FSTL5: variants seen among roughly 807,000 people sequenced by gnomAD.
FSTL5 encodes the protein follistatin like 5.
A neutral mutation model predicts 89.1 loss-of-function variants in FSTL5; 62 were observed. The observed-to-expected ratio is 0.70, with a 90% confidence interval of 0.57 to 0.86. The LOEUF (loss-of-function observed/expected upper bound fraction) is 0.86, where lower values mean the gene tolerates loss of function less well. Ranked by LOEUF, FSTL5 falls within the 40% of genes least tolerant of loss-of-function variation. FSTL5 has a pLI of 0.00. For synonymous variants in FSTL5, 383 were observed against 346.2 expected (o/e 1.11, Z -1.18); for missense variants, 1,057 against 1,001.6 (o/e 1.06, Z -0.75).
chr4:161,987,571 T>C (rs1736001144), intron 3 of FSTL5, among the ~76,000 whole-genome samples: 1 of 147,374 alleles, frequency 6.8e-6, no homozygotes, highest in African/African-American at 2.5e-5. Context: ...TATTGAAATA[T>C]ATATAAAGAA....
chr4:161,629,702 C>A (rs540851237), intron 7 of FSTL5, among the ~76,000 whole-genome samples: 1 of 152,146 alleles, frequency 6.6e-6, no homozygotes, highest in South Asian at 2.1e-4. Context: ...GATTTTTTTC[C>A]CCTAAGCCAT....
intron 6 of FSTL5, among the ~76,000 whole-genome samples, chr4:161,721,271 C>T (rs1470614492): frequency 3.2e-4 from 35 of 109,238 alleles, no homozygotes; most frequent in African/African-American, 1.1e-3. Context: ...GGCGACAGAG[C>T]GAGACTCCGT....
intron 4 of FSTL5, among the ~76,000 whole-genome samples, chr4:161,841,896 C>A (rs920448999): frequency 3.9e-5 from 6 of 152,074 alleles, no homozygotes; most frequent in African/African-American, 1.4e-4. Flanking sequence ...CCCAGCTGGG[C>A]TGCCGGTCTG....
At chr4:161,786,313 C>T (rs1325664479) in intron 4 of FSTL5, among the ~76,000 whole-genome samples, 1 of 151,950 alleles carries the variant, frequency 6.6e-6, no homozygotes, top group East Asian at 1.9e-4. Flanking sequence ...GGAGAAATAT[C>T]TTGTATGTAA....
At chr4:161,727,973 ACT>A (rs542907201) in intron 6 of FSTL5, among the ~76,000 whole-genome samples, 9 of 152,264 alleles carry the variant, frequency 5.9e-5, no homozygotes, top group Middle Eastern at 3.4e-3. Flanking sequence ...ACAGAGCTAG[ACT>A]CTGTCTCAAA....
chr4:161,998,241 T>C (rs1044276148), intron 3 of FSTL5, among the ~76,000 whole-genome samples: 10 of 151,974 alleles, frequency 6.6e-5, no homozygotes, highest in African/African-American at 1.7e-4. Context: ...TCTTTGTTTC[T>C]TTTTTTTATT....
intron 3 of FSTL5, among the ~76,000 whole-genome samples, chr4:161,960,252 C>T (rs146230910): frequency 6.3e-4 from 95 of 151,022 alleles, no homozygotes; most frequent in African/African-American, 2.2e-3. Context: ...CTGCAACCTC[C>T]ACCTCCCAGG....
In FSTL5 at chr4:161,459,295, C is replaced by T; in HGVS notation, c.1633G>A (p.Val545Ile). Residue 545 changes from valine to isoleucine, a missense_variant, in exon 14 of 16, where the codon GTT (valine) becomes ATT (isoleucine). Around this residue, in one of 3 missense-constraint regions of FSTL5, gnomAD observed 980 missense variants for 903.2 expected, o/e 1.08. Transcript: ENST00000306100. ...VQAVSTDPVP[V>I]KLHYDKSHDQ... is the part of the protein sequence containing the mutation. ...TGTGATTTGTCATAGTGTAATTTAACTGGGACAGGGTCTGTGCTCACTGCC... is the reference window on the plus strand; with the variant it reads ...TGTGATTTGTCATAGTGTAATTTAATTGGGACAGGGTCTGTGCTCACTGCC... 3.7e-6 allele frequency: 6 copies of T among 1,612,988 alleles called. No homozygotes were observed. Among genetic ancestry groups the T allele is most frequent in the Non-Finnish European group, 5.1e-6 (6 of 1,179,194 alleles).
chr4:161,423,514 C>T (rs1294045398), intron 15 of FSTL5, among the ~76,000 whole-genome samples: 1 of 151,928 alleles, frequency 6.6e-6, no homozygotes, highest in Non-Finnish European at 1.5e-5. Context: ...CTTATGCATT[C>T]CAGTTTTCTT....
chr4:161,938,526 C>T (rs769945878), intron 3 of FSTL5, among the ~76,000 whole-genome samples: 64 of 151,872 alleles, frequency 4.2e-4, no homozygotes, highest in African/African-American at 1.1e-3. Context: ...AGAAATATTA[C>T]GCAAAAAATA....
intron 3 of FSTL5, among the ~76,000 whole-genome samples, chr4:161,965,805 C>A (rs773585496): frequency 6.6e-6 from 1 of 151,942 alleles, no homozygotes; most frequent in Non-Finnish European, 1.5e-5. Context: ...CTGTTAGTGT[C>A]CCATTGTAAA....
At chr4:161,959,280 C>T (rs992298496) in intron 3 of FSTL5, among the ~76,000 whole-genome samples, 2 of 152,176 alleles carry the variant, frequency 1.3e-5, no homozygotes, top group South Asian at 4.1e-4. Flanking sequence ...CTTTCAAAGA[C>T]ATATATTTAT....
intron 3 of FSTL5, among the ~76,000 whole-genome samples, chr4:161,957,184 G>A (rs775145189): frequency 2.0e-5 from 3 of 151,832 alleles, no homozygotes; most frequent in Non-Finnish European, 2.9e-5. Flanking sequence ...GGATTTAATG[G>A]TTAGATAGAG....
At position 161,923,687 on chromosome 4, in the gene FSTL5, G is replaced by A. The variant is rs569602891; in HGVS notation, c.161-3035C>T. Among the ~76,000 whole-genome samples the A allele has an allele frequency of 2.6e-5, 4 of 151,592 alleles. No individual in the cohort carries two copies. The South Asian group carries it at 6.2e-4, about 24-fold the overall frequency. On this transcript the variant is annotated intron_variant, in intron 3 of 15. Transcript: ENST00000306100. ...AATTGAGGTAGCTTTATGAATCAGT[G>A]AAATTTTCCAATTTTTAGGGGAATG... is the stretch of plus-strand genomic sequence containing the variant.
intron 15 of FSTL5, among the ~76,000 whole-genome samples, chr4:161,425,398 T>C (rs1383402810): frequency 6.6e-6 from 1 of 152,218 alleles, no homozygotes; most frequent in Non-Finnish European, 1.5e-5. Context: ...TGTCTGTCTC[T>C]GGCAGAATGT....
At chr4:161,434,513 A>G (rs1044350686) in intron 15 of FSTL5, among the ~76,000 whole-genome samples, 1 of 152,048 alleles carries the variant, frequency 6.6e-6, no homozygotes, top group Non-Finnish European at 1.5e-5. Flanking sequence ...AAGTTGGACT[A>G]GGCAAAGATT....
At position 162,098,920 on chromosome 4, in the gene FSTL5, C is replaced by T. The variant is rs141385389; in HGVS notation, c.126+12351G>A. Among the ~76,000 whole-genome samples, 22 of 152,126 alleles carry T rather than the reference C, an allele frequency of 1.4e-4. No individual in the cohort carries two copies. In the East Asian group the frequency reaches 2.7e-3, roughly 19 times the overall value. On this transcript the variant is annotated intron_variant, in intron 2 of 15. Transcript: ENST00000306100. ...CCACACACAGACTTTAAATCCTTCACAAAAATTAACTCAAAAAGGATCATA... is the reference window on the plus strand; with the variant it reads ...CCACACACAGACTTTAAATCCTTCATAAAAATTAACTCAAAAAGGATCATA...
chr4:161,474,535 T>C (rs1459607623), intron 13 of FSTL5, among the ~76,000 whole-genome samples: 1 of 142,930 alleles, frequency 7.0e-6, no homozygotes, highest in Non-Finnish European at 1.5e-5. Flanking sequence ...CTTCAAGTTA[T>C]TGTGTAGTGG....
intron 6 of FSTL5, among the ~76,000 whole-genome samples, chr4:161,673,149 T>C (rs1183641480): frequency 6.6e-6 from 1 of 152,092 alleles, no homozygotes; most frequent in Non-Finnish European, 1.5e-5. Context: ...AATAATGTAC[T>C]GGATTTAAAT....
Sources: gnomAD v4.1 joint callset for allele counts (sites outside exome capture counted in the v4.1 genomes callset) on GRCh38, gnomAD v4.1.1 for gene constraint, gnomAD v4.1.1 regional missense constraint, MANE v1.5 for transcripts, NCBI Gene and HGNC (gene_info 2026-07-23, HGNC 2026-07-21) for gene names.